GDPD5: variants seen among roughly 807,000 people sequenced by gnomAD.
GDPD5 encodes the protein glycerophosphodiester phosphodiesterase domain containing 5, also known as glycerophosphodiester phosphodiesterase 2.
GDPD5 carries 48 observed loss-of-function variants against 75.1 expected under a neutral mutation model. The observed-to-expected ratio is 0.64, with a 90% CI of 0.51 to 0.81. The LOEUF (loss-of-function observed/expected upper bound fraction) is 0.81, where lower values mean the gene tolerates loss of function less well. GDPD5 is among the 40% of genes least tolerant of loss of function. The pLI, the probability that GDPD5 is intolerant of heterozygous loss-of-function variation, is 0.00. For synonymous variants in GDPD5, 336 were observed against 339.0 expected (o/e 0.99, Z 0.10); for missense variants, 706 against 822.6 (o/e 0.86, Z 1.73).
At chr11:75,439,238 C>T (rs565714057) in intron 15 of GDPD5, 103 of 428,754 alleles carry the variant, frequency 2.4e-4, no homozygotes, top group Non-Finnish European at 3.6e-4. Flanking sequence ...GTGGCCCGGG[C>T]ACAGGGCTTG....
chr11:75,449,355 G>A (rs546393639), intron 8 of GDPD5, among the ~76,000 whole-genome samples, 162 bp downstream of exon 8: 3 of 152,294 alleles, frequency 2.0e-5, no homozygotes, highest in East Asian at 1.9e-4. Flanking sequence ...GTGACCCTCC[G>A]TGGACTCTGT....
chr11:75,479,827 C>T (rs1407533395), intron 2 of GDPD5, among the ~76,000 whole-genome samples: 1 of 152,160 alleles, frequency 6.6e-6, no homozygotes, highest in East Asian at 1.9e-4. Flanking sequence ...TTGTGTCTTG[C>T]TTCTTTCACG....
intron 15 of GDPD5, chr11:75,439,405 G>A (rs1948724171): frequency 4.4e-6 from 2 of 455,158 alleles, no homozygotes; most frequent in African/African-American, 2.0e-5. Context: ...AGAGAGGAGG[G>A]ACATGCGCCG....
At chr11:75,471,154 G>A (rs1949654255) in intron 3 of GDPD5, among the ~76,000 whole-genome samples, 1 of 152,240 alleles carries the variant, frequency 6.6e-6, no homozygotes, top group Non-Finnish European at 1.5e-5. Context: ...AGTTCCAAAT[G>A]AGGGGACTGA....
intron 1 of GDPD5, among the ~76,000 whole-genome samples, chr11:75,497,314 C>T (rs999430644): frequency 6.6e-6 from 1 of 152,120 alleles, no homozygotes; most frequent in Admixed American, 6.5e-5. Context: ...GGTGGCAGGA[C>T]GCGTAAGGGG....
At chr11:75,499,744 G>C (rs766539091) in intron 1 of GDPD5, among the ~76,000 whole-genome samples, 1 of 152,132 alleles carries the variant, frequency 6.6e-6, no homozygotes, top group Non-Finnish European at 1.5e-5. Context: ...CCCAGAGATG[G>C]GGTTGGGTGT....
chr11:75,515,759 G>C (rs559950561), intron 1 of GDPD5, among the ~76,000 whole-genome samples: 1 of 152,290 alleles, frequency 6.6e-6, no homozygotes, highest in African/African-American at 2.4e-5. Flanking sequence ...TGTGACTTCT[G>C]CTCCACTCCA....
At chr11:75,448,895 T>C (rs1949054704) in intron 9 of GDPD5, 82 bp downstream of exon 9, 4 of 1,424,210 alleles carry the variant, frequency 2.8e-6, no homozygotes, top group African/African-American at 3.0e-5. Flanking sequence ...TTGCTACCAT[T>C]ACATATATCC....
chr11:75,472,415 G>C (rs923859520), intron 3 of GDPD5, among the ~76,000 whole-genome samples: 1 of 152,086 alleles, frequency 6.6e-6, no homozygotes, highest in African/African-American at 2.4e-5. Flanking sequence ...CCACATGGCT[G>C]ACAGGACAAA....
intron 6 of GDPD5, chr11:75,455,301 C>T (rs1341136564): frequency 6.6e-6 from 3 of 455,426 alleles, no homozygotes; most frequent in Admixed American, 4.7e-5. Flanking sequence ...GCCAGCTTTG[C>T]AGCCAGGAGA....
At position 75,449,223 on chromosome 11, in the gene GDPD5, T is replaced by C. The variant is rs528413307; in HGVS notation, c.569-101A>G. The stretch of plus-strand genomic sequence containing the variant: ...CCGACCTGTCAGGATCCAGGTGCTC[T>C]AGGGGGAAGCCCTTATTCTTGCTGG... On this transcript the variant is annotated intron_variant, in intron 8 of 16. Transcript: ENST00000336898. 821 of 1,387,058 alleles carry C rather than the reference T, an allele frequency of 5.9e-4. 1 individual carries two copies. The highest frequency in any genetic ancestry group is 8.0e-4 in the Admixed American group (30 of 37,582). The allele number at this position is 1,387,058 out of a possible 1,614,324, so 85.9% of individuals were successfully genotyped here.
chr11:75,443,239 G>C lies in GDPD5; in HGVS notation c.845C>G (p.Thr282Ser), dbSNP rs1233315822. 6.2e-7 allele frequency: 1 copy of C among 1,609,572 alleles called. No individual in the cohort carries two copies. The highest frequency in any genetic ancestry group is 1.3e-5 in the African/African-American group (1 of 74,912). The change falls in exon 11 of 17, where the codon ACC becomes AGC. Residue 282 changes from threonine (T) to serine (S), a missense_variant. Coordinates refer to ENST00000336898, the MANE Select transcript of GDPD5 (RefSeq NM_030792.8). ...FLMHDTTLRR[T>S]TNVEEEFPEL... Reference sequence around the variant, plus strand: ...CGGGAACTCCTCCTCCACGTTGGTGGTGCGCCGCAGGGTGGTGTCATGCAT... The same window carrying C: ...CGGGAACTCCTCCTCCACGTTGGTGCTGCGCCGCAGGGTGGTGTCATGCAT...
intron 3 of GDPD5, among the ~76,000 whole-genome samples, chr11:75,464,959 T>TC (rs1283538869): frequency 6.6e-6 from 1 of 152,060 alleles, no homozygotes; most frequent in African/African-American, 2.4e-5. Flanking sequence ...TCCACCACCC[T>TC]CCAGCCAGCA....
chr11:75,453,748 A>G (rs1251246847), intron 6 of GDPD5, among the ~76,000 whole-genome samples: 1 of 152,234 alleles, frequency 6.6e-6, no homozygotes, highest in African/African-American at 2.4e-5. Flanking sequence ...CATAAAGAAA[A>G]TTTAGTATAT....
At chr11:75,511,154 C>T (rs1258226262) in intron 1 of GDPD5, among the ~76,000 whole-genome samples, 1 of 152,196 alleles carries the variant, frequency 6.6e-6, no homozygotes. Flanking sequence ...AATATCTCCA[C>T]GGCCACTTGC....
intron 11 of GDPD5, 28 bp from the exon 12 acceptor site, chr11:75,442,609 C>T: frequency 2.5e-6 from 4 of 1,606,266 alleles, no homozygotes; most frequent in South Asian, 1.1e-5. Flanking sequence ...ACACACATGG[C>T]TGCATCATCA....
intron 1 of GDPD5, among the ~76,000 whole-genome samples, chr11:75,498,008 C>A (rs139785347): frequency 6.6e-6 from 1 of 152,104 alleles, no homozygotes; most frequent in Non-Finnish European, 1.5e-5. Flanking sequence ...GGCTCAGAGA[C>A]AGGAGGTGAC....
chr11:75,469,278 G>A (rs1949602704), intron 3 of GDPD5, among the ~76,000 whole-genome samples: 1 of 152,184 alleles, frequency 6.6e-6, no homozygotes, highest in African/African-American at 2.4e-5. Context: ...CCCGGGCTGT[G>A]GGGAACAGAG....
chr11:75,478,742 G>C (rs1949837093), intron 2 of GDPD5, among the ~76,000 whole-genome samples: 1 of 152,220 alleles, frequency 6.6e-6, no homozygotes, highest in African/African-American at 2.4e-5. Flanking sequence ...GCTGAGATGT[G>C]TTGAGCACTT....
Sources: gnomAD v4.1 joint callset for allele counts (sites outside exome capture counted in the v4.1 genomes callset) on GRCh38, gnomAD v4.1.1 for gene constraint, MANE v1.5 for transcripts, NCBI Gene and HGNC (gene_info 2026-07-23, HGNC 2026-07-21) for gene names.